TASP1: variants seen among roughly 807,000 people sequenced by gnomAD.
The protein encoded by TASP1 is threonine aspartase 1.
A neutral mutation model predicts 56.6 loss-of-function variants in TASP1; 16 were observed. That is an observed-to-expected ratio of 0.28 (90% confidence interval 0.19 to 0.43). TASP1 has a LOEUF of 0.43. Among genes scored for constraint, TASP1 ranks in the 20% least tolerant of loss-of-function variants. The probability of loss-of-function intolerance (pLI) is 1.00; values close to 1 mark genes in which losing one functional copy is unlikely to be tolerated. For missense variants in TASP1, 393 were observed against 511.6 expected (o/e 0.77, Z 2.24); for synonymous variants, 179 against 184.2 (o/e 0.97, Z 0.23).
At chr20:13,289,278 C>T in the TASP1 span, among the ~76,000 whole-genome samples, 1 of 152,110 alleles carries the variant, frequency 6.6e-6, no homozygotes, top group Non-Finnish European at 1.5e-5. Flanking sequence ...TGAAGAGAAA[C>T]AGAAGGCAGA....
At chr20:13,181,643 A>T in the TASP1 span, among the ~76,000 whole-genome samples, 2 of 152,190 alleles carry the variant, frequency 1.3e-5, no homozygotes, top group East Asian at 3.9e-4. Flanking sequence ...AAACGTGATG[A>T]CGATGAGACA....
chr20:13,168,682 C>T, the TASP1 span: 6 of 152,116 alleles, frequency 3.9e-5, no homozygotes, highest in South Asian at 2.1e-4. Context: ...ACCTAAGTTC[C>T]GATGATGATG....
chr20:13,122,830 C>G, the TASP1 span, among the ~76,000 whole-genome samples: 9 of 152,082 alleles, frequency 5.9e-5, no homozygotes, highest in Non-Finnish European at 1.2e-4. Flanking sequence ...CTACTGCCAC[C>G]CCTCCCCATA....
In TASP1 at chr20:13,435,115, C is replaced by T. The variant is rs751934213; in HGVS notation, c.1025G>A (p.Gly342Glu). Residue 342 changes from glycine to glutamate, a missense_variant, in exon 12 of 14, where the codon GGA becomes GAA. By Grantham distance (98) the Gly-to-Glu change is moderately conservative. This residue lies in a region of TASP1 where 293 missense variants were observed against 354.2 expected (regional missense o/e 0.83). Transcript: ENST00000337743. Reference sequence around the variant, plus strand: ...TCTGCATGAACGGAGGACAATCACTCCGCCAAGCACGCCATCTTCACTGGC... The same window carrying T: ...TCTGCATGAACGGAGGACAATCACTTCGCCAAGCACGCCATCTTCACTGGC... The part of the protein sequence containing the change: ...FLASEDGVLG[G>E]VIVLRSCRCS... 3 of 1,609,442 alleles carry T rather than the reference C, an allele frequency of 1.9e-6. No homozygotes were observed. Among genetic ancestry groups the T allele is most frequent in the Non-Finnish European group, 2.5e-6 (3 of 1,177,766 alleles).
At chr20:13,148,630 C>T in the TASP1 span, among the ~76,000 whole-genome samples, 1 of 152,212 alleles carries the variant, frequency 6.6e-6, no homozygotes, top group African/African-American at 2.4e-5. Context: ...AGCCAGGCTG[C>T]AATCAGATAC....
At chr20:13,393,183 A>G in intron 13 of TASP1, 1 of 693,922 alleles carries the variant, frequency 1.4e-6, no homozygotes, top group Non-Finnish European at 2.7e-6. Flanking sequence ...CTTTGGTATC[A>G]TGGAAGGATT....
At chr20:13,625,353 A>T in intron 2 of TASP1, 101 bp from the exon 3 acceptor site, 1 of 903,112 alleles carries the variant, frequency 1.1e-6, no homozygotes, top group Non-Finnish European at 1.6e-6. Context: ...CTAGTAAAAA[A>T]CAAAACTATT....
the TASP1 span, among the ~76,000 whole-genome samples, chr20:13,371,468 A>G: frequency 1.7e-5 from 2 of 114,454 alleles, no homozygotes; most frequent in Non-Finnish European, 4.4e-5. Context: ...GAATTTCCCA[A>G]ATCTTTCTGT....
chr20:13,615,236 T>C (rs1408959709), intron 4 of TASP1, among the ~76,000 whole-genome samples: 3 of 152,174 alleles, frequency 2.0e-5, no homozygotes, highest in Non-Finnish European at 4.4e-5. Context: ...ATAGTGTTGA[T>C]GTCCTGTGTT....
chr20:13,501,675 T>C (rs1423477302), intron 10 of TASP1, among the ~76,000 whole-genome samples: 3 of 152,106 alleles, frequency 2.0e-5, no homozygotes, highest in Non-Finnish European at 2.9e-5. Flanking sequence ...AATACTTACA[T>C]TAAACATAAA....
chr20:13,156,085 C>T, the TASP1 span, among the ~76,000 whole-genome samples: 5 of 152,176 alleles, frequency 3.3e-5, no homozygotes, highest in African/African-American at 9.7e-5. Context: ...CACACAGACA[C>T]ACATACATTT....
chr20:13,297,931 C>T, the TASP1 span, among the ~76,000 whole-genome samples: 1 of 152,212 alleles, frequency 6.6e-6, no homozygotes, highest in East Asian at 1.9e-4. Flanking sequence ...CTTTGAGGCG[C>T]CTTGCCATGT....
intron 10 of TASP1, among the ~76,000 whole-genome samples, chr20:13,513,169 T>C (rs2146734383): frequency 6.6e-6 from 1 of 152,210 alleles, no homozygotes; most frequent in Non-Finnish European, 1.5e-5. Context: ...GTCAGTCATT[T>C]TGCCAATCAG....
At chr20:13,391,082 A>G (rs1051625857) in intron 13 of TASP1, among the ~76,000 whole-genome samples, 6 of 152,196 alleles carry the variant, frequency 3.9e-5, no homozygotes, top group Non-Finnish European at 8.8e-5. Context: ...GTTTCCTAGC[A>G]GCAGAGATCA....
At chr20:13,479,290 G>A (rs6105114) in intron 11 of TASP1, among the ~76,000 whole-genome samples, 1,697 of 152,024 alleles carry the variant, frequency 0.011, 42 homozygotes, top group African/African-American at 0.038. Context: ...AAAAAACAAA[G>A]GAAGCAAAAA....
chr20:13,635,322 T>A (rs1289253315), intron 1 of TASP1, among the ~76,000 whole-genome samples: 1 of 151,944 alleles, frequency 6.6e-6, no homozygotes, highest in Non-Finnish European at 1.5e-5. Flanking sequence ...AACACACAAA[T>A]CTACTACCCT....
intron 13 of TASP1, among the ~76,000 whole-genome samples, chr20:13,410,798 T>C (rs2042070625): frequency 6.6e-6 from 1 of 152,168 alleles, no homozygotes; most frequent in East Asian, 1.9e-4. Flanking sequence ...CTGTCAATTG[T>C]TTCCATTCCT....
intron 10 of TASP1, among the ~76,000 whole-genome samples, chr20:13,491,678 T>C (rs997622536): frequency 6.6e-6 from 1 of 152,186 alleles, no homozygotes; most frequent in East Asian, 1.9e-4. Context: ...AGTAACAAAC[T>C]GAAAAGCTTT....
the TASP1 span, among the ~76,000 whole-genome samples, chr20:13,148,108 C>T: frequency 6.6e-6 from 1 of 152,144 alleles, no homozygotes; most frequent in African/African-American, 2.4e-5. Context: ...TAGTTTCAGC[C>T]ATCTGTAATT....
Sources: gnomAD v4.1 joint callset for allele counts (sites outside exome capture counted in the v4.1 genomes callset) on GRCh38, gnomAD v4.1.1 for gene constraint, gnomAD v4.1.1 regional missense constraint, MANE v1.5 for transcripts, NCBI Gene and HGNC (gene_info 2026-07-23, HGNC 2026-07-21) for gene names.